The following PEX14 variants were observed in gnomAD, a reference collection of about 807,000 sequenced individuals.
The protein encoded by PEX14 is peroxisomal biogenesis factor 14, also known as peroxisomal membrane protein PEX14.
A neutral mutation model predicts 49.5 loss-of-function variants in PEX14; 15 were observed. The ratio of observed to expected loss-of-function variants is 0.30; its 90% confidence interval spans 0.20 to 0.47. The LOEUF is 0.47. PEX14 is among the 20% of genes least tolerant of loss of function. The pLI, the probability that PEX14 is intolerant of heterozygous loss-of-function variation, is 1.00. For missense variants in PEX14, 398 were observed against 494.8 expected, an observed-to-expected ratio of 0.80 and a Z score of 1.86; for synonymous variants, 210 against 212.7, an observed-to-expected ratio of 0.99 and a Z score of 0.11.
At chr1:10,527,081 G>A (rs1021596853) in intron 2 of PEX14, among the ~76,000 whole-genome samples, 4 of 152,038 alleles carry the variant, frequency 2.6e-5, no homozygotes, top group Admixed American at 2.0e-4. Context: ...AAGCGTGGTG[G>A]CATGTGCCTG....
chr1:10,495,104 C>T lies in PEX14; in HGVS notation c.37-170C>T. The stretch of plus-strand genomic sequence containing the variant: ...CCCTGGTGAATTCAGACTCTTTGGG[C>T]TACTTTTTACAGGTAGTCCACTGCA... On this transcript the variant is annotated intron_variant, in intron 1 of 8. Coordinates refer to ENST00000356607, the MANE Select transcript of PEX14 (RefSeq NM_004565.3). The surrounding 1 kb of genome is among the most constrained non-coding windows in gnomAD (Gnocchi z 4.2). 2.0e-6 allele frequency: 2 copies of T among 984,940 alleles called. No homozygotes were observed. Among genetic ancestry groups the T allele is most frequent in the Non-Finnish European group, 2.4e-6 (2 of 829,538 alleles). The allele number at this position is 984,940 out of a possible 1,614,324, so 61.0% of individuals were successfully genotyped here.
intron 3 of PEX14, among the ~76,000 whole-genome samples, chr1:10,591,220 A>C (rs1640654989): frequency 6.6e-6 from 1 of 152,170 alleles, no homozygotes; most frequent in African/African-American, 2.4e-5. Flanking sequence ...ATGTGTCAAA[A>C]CAGAACAGAT....
chr1:10,614,590 C>T (rs983157428), intron 4 of PEX14, among the ~76,000 whole-genome samples: 3 of 152,128 alleles, frequency 2.0e-5, no homozygotes, highest in South Asian at 2.1e-4. Context: ...GGGATGTTTG[C>T]GGGTGAGCAG....
chr1:10,527,853 T>C lies in PEX14; in HGVS notation c.85-8360T>C, dbSNP rs189392648. Among the ~76,000 whole-genome samples, 913 of 152,252 alleles carry C rather than the reference T, an allele frequency of 6.0e-3. 10 individuals carry two copies. Among genetic ancestry groups the C allele is most frequent in the African/African-American group, 0.02 (831 of 41,562 alleles). ...TGGCTAATTTTTGTATTTTTTTTAGTGGAGATGGGGTTTCGCCATGTTGGC... is the reference window on the plus strand; with the variant it reads ...TGGCTAATTTTTGTATTTTTTTTAGCGGAGATGGGGTTTCGCCATGTTGGC... On this transcript the variant is annotated intron_variant, in intron 2 of 8. Transcript: ENST00000356607.
intron 2 of PEX14, among the ~76,000 whole-genome samples, chr1:10,524,816 C>T (rs1378149483): frequency 6.6e-6 from 1 of 152,294 alleles, no homozygotes; most frequent in East Asian, 1.9e-4. Context: ...ACCTAGCTCC[C>T]CAAGTAGCTG....
In PEX14 at chr1:10,630,305, G is replaced by A. The variant is rs771775676; in HGVS notation, c.*318G>A. The A allele has an allele frequency of 8.6e-6, 4 of 464,826 alleles. No homozygotes were observed. The highest frequency in any genetic ancestry group is 3.6e-5 in the East Asian group (1 of 27,850). 28.8% of individuals were successfully genotyped at this position (464,826 alleles called of 1,614,324 possible). On this transcript the variant is annotated 3_prime_UTR_variant, in exon 9 of 9. Transcript: ENST00000356607. The surrounding 1 kb of genome is among the most constrained non-coding windows in gnomAD (Gnocchi z 4.1). ...CCCCAGCCCCCTCTCCCGGACAGAC[G>A]CCTTGCCCAGGGTGTGTTTGCTGAG... is the stretch of plus-strand genomic sequence containing the variant.
intron 3 of PEX14, among the ~76,000 whole-genome samples, chr1:10,558,208 A>G (rs935394753): frequency 6.6e-6 from 1 of 152,136 alleles, no homozygotes; most frequent in Admixed American, 6.5e-5. Flanking sequence ...GGGTTTCTTC[A>G]TGTTGGTCAG....
intron 1 of PEX14, among the ~76,000 whole-genome samples, chr1:10,476,181 T>C (rs1284867743): frequency 6.6e-6 from 1 of 152,230 alleles, no homozygotes; most frequent in East Asian, 1.9e-4. Context: ...TCTTACTGTC[T>C]TATTCTGCAC....
rs893373820 is a variant in PEX14, at chr1:10,512,768, G to A, written c.84+17447G>A. On this transcript the variant is annotated intron_variant, in intron 2 of 8. Coordinates refer to ENST00000356607, the MANE Select transcript of PEX14 (RefSeq NM_004565.3). The surrounding 1 kb of genome is among the most constrained non-coding windows in gnomAD (Gnocchi z 4.6). Reference sequence around the variant, plus strand: ...GGCTGGAGTGCAGTGGCGTGATGTCGGCTCACTGCAACCTCCGCCTCACGG... The same window carrying A: ...GGCTGGAGTGCAGTGGCGTGATGTCAGCTCACTGCAACCTCCGCCTCACGG... 6.6e-6 allele frequency among the ~76,000 whole-genome samples: 1 copy of A among 151,848 alleles called. No individual in the cohort carries two copies. The highest frequency in any genetic ancestry group is 1.5e-5 in the Non-Finnish European group (1 of 67,984).
At chr1:10,556,902 C>A (rs764879661) in intron 3 of PEX14, among the ~76,000 whole-genome samples, 47 of 152,124 alleles carry the variant, frequency 3.1e-4, no homozygotes, top group Non-Finnish European at 5.1e-4. Context: ...CTGGAAGAAT[C>A]TGTGACTTGG....
chr1:10,605,871 C>T (rs1641111807), intron 4 of PEX14, among the ~76,000 whole-genome samples: 1 of 152,204 alleles, frequency 6.6e-6, no homozygotes, highest in South Asian at 2.1e-4. Flanking sequence ...TTTGGATTAG[C>T]AAGCACCCTC....
chr1:10,500,502 T>C (rs867057648), intron 2 of PEX14, among the ~76,000 whole-genome samples: 1 of 152,122 alleles, frequency 6.6e-6, no homozygotes, highest in African/African-American at 2.4e-5. Flanking sequence ...TCTGTGACTT[T>C]TGTGGTTAGA....
At chr1:10,620,129 AAAAG>A (rs773276928) in intron 5 of PEX14, among the ~76,000 whole-genome samples, 28 of 151,922 alleles carry the variant, frequency 1.8e-4, no homozygotes, top group Non-Finnish European at 3.4e-4. Context: ...AAGAAAAAGA[AAAAG>A]AAAAAGAAAT....
intron 3 of PEX14, among the ~76,000 whole-genome samples, chr1:10,570,041 C>A: frequency 6.6e-6 from 1 of 151,924 alleles, no homozygotes; most frequent in East Asian, 1.9e-4. Flanking sequence ...CTGGCTTGAC[C>A]CTCAAGTATT....
intron 4 of PEX14, among the ~76,000 whole-genome samples, chr1:10,601,677 G>T (rs1159558713): frequency 6.6e-6 from 1 of 152,234 alleles, no homozygotes; most frequent in Non-Finnish European, 1.5e-5. Context: ...GGGCTACTGG[G>T]TTAGCACCTG....
At position 10,613,769 on chromosome 1, in the gene PEX14, C is replaced by T. The variant is rs1176006682; in HGVS notation, c.299-4563C>T. 6.6e-6 allele frequency among the ~76,000 whole-genome samples: 1 copy of T among 152,198 alleles called. No homozygotes were observed. The highest frequency in any genetic ancestry group is 6.5e-5 in the Admixed American group (1 of 15,284). Reference sequence around the variant, plus strand: ...AAGAGAAAAATGTCCTTGGAACCCCCCTGGCTGGTGGTGGCATGAGGGTTT... The same window carrying T: ...AAGAGAAAAATGTCCTTGGAACCCCTCTGGCTGGTGGTGGCATGAGGGTTT... On this transcript the variant is annotated intron_variant, in intron 4 of 8. Coordinates refer to ENST00000356607, the MANE Select transcript of PEX14 (RefSeq NM_004565.3). This position sits in a 1 kb window ranked among gnomAD's most constrained non-coding sequence, Gnocchi z 5.0.
At chr1:10,571,723 C>T (rs1045524322) in intron 3 of PEX14, among the ~76,000 whole-genome samples, 6 of 152,064 alleles carry the variant, frequency 3.9e-5, no homozygotes, top group South Asian at 2.1e-4. Flanking sequence ...GCAGGAGAAT[C>T]GCTGGAACCT....
chr1:10,479,202 C>A (rs1641243825), intron 1 of PEX14, among the ~76,000 whole-genome samples: 1 of 151,886 alleles, frequency 6.6e-6, no homozygotes, highest in Non-Finnish European at 1.5e-5. Flanking sequence ...TATAGGGAGA[C>A]CTCGTTCCTA....
intron 3 of PEX14, among the ~76,000 whole-genome samples, chr1:10,564,967 G>A (rs1639761143): frequency 7.1e-6 from 1 of 141,660 alleles, no homozygotes; most frequent in Non-Finnish European, 1.5e-5. Context: ...GCAGTGGCAC[G>A]ATCTCAGCTC....
Sources: gnomAD v4.1 joint callset for allele counts (sites outside exome capture counted in the v4.1 genomes callset) on GRCh38, gnomAD v4.1.1 for gene constraint, Gnocchi (gnomAD v3.1) non-coding constraint, MANE v1.5 for transcripts, NCBI Gene and HGNC (gene_info 2026-07-23, HGNC 2026-07-21) for gene names.